Variants in KCNJ15 observed in about 807,000 individuals in gnomAD.
KCNJ15 encodes ATP-sensitive inward rectifier potassium channel 15.
Under a neutral mutation model 23.0 loss-of-function variants are expected in KCNJ15, and 14 were observed. That is an observed-to-expected ratio of 0.61 (90% CI 0.40 to 0.95). The LOEUF is 0.95. Ranked by LOEUF, KCNJ15 falls within the 40% of genes least tolerant of loss-of-function variation. KCNJ15 has a pLI of 0.00. For synonymous variants in KCNJ15, 185 were observed against 183.2 expected (o/e 1.01, Z -0.08); for missense variants, 388 against 461.8 (o/e 0.84, Z 1.46).
At chr21:38,262,823 A>G (rs1601167629) in intron 1 of KCNJ15, among the ~76,000 whole-genome samples, 1 of 151,962 alleles carries the variant, frequency 6.6e-6, no homozygotes, top group East Asian at 1.9e-4. Context: ...AATTACAGGC[A>G]CCTGCCACCA....
rs2146365012 is a variant in KCNJ15, at chr21:38,306,782, C to CA, written c.*6398dup. ...TAAGGTGTCATGGAATTGTAAGTTA[C>CA]AAAAATAAGGCTTTTGTAAACAGAA... On this transcript the variant is annotated 3_prime_UTR_variant, in exon 3 of 3. Coordinates refer to ENST00000398938, the MANE Select transcript of KCNJ15 (RefSeq NM_170736.3). The CA allele has an allele frequency of 6.6e-6, 1 of 152,244 alleles. No homozygotes were observed. The highest frequency in any genetic ancestry group is 1.9e-4 in the East Asian group (1 of 5,182). 9.4% of individuals were successfully genotyped at this position (152,244 alleles called of 1,614,324 possible).
intron 1 of KCNJ15, among the ~76,000 whole-genome samples, chr21:38,249,612 C>T (rs1371320366): frequency 6.6e-6 from 1 of 152,166 alleles, no homozygotes; most frequent in Non-Finnish European, 1.5e-5. Context: ...CATGTCTAGT[C>T]TGTATAGGTG....
At chr21:38,258,970 G>A (rs1019508193) in intron 1 of KCNJ15, among the ~76,000 whole-genome samples, 1 of 152,066 alleles carries the variant, frequency 6.6e-6, no homozygotes, top group Non-Finnish European at 1.5e-5. Context: ...CTTCTGCATC[G>A]AGGAAATCTC....
At chr21:38,258,849 T>C (rs1042569002) in intron 1 of KCNJ15, among the ~76,000 whole-genome samples, 2 of 152,134 alleles carry the variant, frequency 1.3e-5, no homozygotes, top group African/African-American at 4.8e-5. Context: ...AGCCAGTGTT[T>C]TGGGGGGAAA....
intron 1 of KCNJ15, among the ~76,000 whole-genome samples, chr21:38,287,944 G>A (rs1190028951): frequency 6.7e-6 from 1 of 150,004 alleles, no homozygotes; most frequent in Non-Finnish European, 1.5e-5. Context: ...TCAGAGAAAT[G>A]TGGTCAAAAT....
At chr21:38,266,777 T>C (rs1405339836) in intron 1 of KCNJ15, among the ~76,000 whole-genome samples, 2 of 152,184 alleles carry the variant, frequency 1.3e-5, no homozygotes, top group Non-Finnish European at 2.9e-5. Flanking sequence ...CTAACCTCTT[T>C]AGAGATGAGG....
At chr21:38,240,128 C>G (rs917419938) in intron 1 of KCNJ15, among the ~76,000 whole-genome samples, 3 of 152,024 alleles carry the variant, frequency 2.0e-5, no homozygotes, top group African/African-American at 7.3e-5. Context: ...CTCCAAGTAC[C>G]AGCACATTTT....
intron 1 of KCNJ15, among the ~76,000 whole-genome samples, chr21:38,263,605 T>A (rs1160386883): frequency 6.6e-6 from 1 of 152,178 alleles, no homozygotes; most frequent in African/African-American, 2.4e-5. Context: ...TGACCACAAC[T>A]ATGATTCCCT....
At position 38,305,080 on chromosome 21, in the gene KCNJ15, C is replaced by CAAAAAAAAAAAAAAAAAA. The variant is rs60094452; in HGVS notation, c.*4708_*4709insAAAAAAAAAAAAAAAAAA. 2 of 97,792 alleles carry CAAAAAAAAAAAAAAAAAA rather than the reference C, an allele frequency of 2.0e-5. No homozygotes were observed. Among genetic ancestry groups the CAAAAAAAAAAAAAAAAAA allele is most frequent in the Non-Finnish European group, 4.1e-5 (2 of 49,126 alleles). 6.1% of individuals were successfully genotyped at this position (97,792 alleles called of 1,614,324 possible). On this transcript the variant is annotated 3_prime_UTR_variant, in exon 3 of 3. Transcript: ENST00000398938. ...GGGCAACAAAAGTAAAACTCCGTCT[C>CAAAAAAAAAAAAAAAAAA]AAAAAAAAAAAAAAAAAGAAAAAGA... is the stretch of plus-strand genomic sequence containing the variant.
chr21:38,280,173 A>G (rs1011196738), intron 1 of KCNJ15, among the ~76,000 whole-genome samples: 2 of 152,182 alleles, frequency 1.3e-5, no homozygotes, highest in African/African-American at 4.8e-5. Flanking sequence ...GCACCTGTCT[A>G]ACTTAACCAG....
At chr21:38,241,013 G>T in intron 1 of KCNJ15, among the ~76,000 whole-genome samples, 1 of 152,154 alleles carries the variant, frequency 6.6e-6, no homozygotes, top group East Asian at 1.9e-4. Context: ...TCAAATTATT[G>T]ACAGATTCTC....
At chr21:38,284,185 C>T (rs1418881281) in intron 1 of KCNJ15, among the ~76,000 whole-genome samples, 2 of 152,186 alleles carry the variant, frequency 1.3e-5, no homozygotes, top group South Asian at 2.1e-4. Flanking sequence ...CCTTCTGCAT[C>T]GGGATTCTGC....
At position 38,299,888 on chromosome 21, in the gene KCNJ15, G is replaced by A. The variant is rs1244359054; in HGVS notation, c.627G>A (p.Gln209=). 6.8e-6 allele frequency: 11 copies of A among 1,613,938 alleles called. No homozygotes were observed. Among genetic ancestry groups the A allele is most frequent in the Non-Finnish European group, 9.3e-6 (11 of 1,180,028 alleles). Residue 209 remains glutamine, a synonymous_variant, in exon 3 of 3, where the codon CAG becomes CAA. Transcript: ENST00000398938. The surrounding 1 kb of genome is among the most constrained non-coding windows in gnomAD (Gnocchi z 4.5). ...ATATGAGGAAGAGCCTCTTGATTCA[G>A]TGCCAGCTCTCTGGCAAGCTCCTGC... ...VANMRKSLLI[Q]CQLSGKLLQT...
chr21:38,284,656 A>C (rs1243857902), intron 1 of KCNJ15, among the ~76,000 whole-genome samples: 5 of 152,214 alleles, frequency 3.3e-5, no homozygotes, highest in Admixed American at 6.5e-5. Context: ...ATAAAACCCC[A>C]AGATACTCCT....
intron 1 of KCNJ15, among the ~76,000 whole-genome samples, chr21:38,230,643 G>T (rs191082561): frequency 1.9e-4 from 29 of 151,858 alleles, no homozygotes; most frequent in African/African-American, 5.8e-4. Context: ...TTCCTCTCAA[G>T]AATTTCATAG....
At chr21:38,246,703 A>C (rs1979391977) in intron 1 of KCNJ15, among the ~76,000 whole-genome samples, 1 of 152,228 alleles carries the variant, frequency 6.6e-6, no homozygotes, top group Non-Finnish European at 1.5e-5. Context: ...ATTATGTTTT[A>C]CATTAGTCTG....
intron 1 of KCNJ15, among the ~76,000 whole-genome samples, chr21:38,269,888 G>A (rs1269656023): frequency 6.6e-6 from 1 of 152,218 alleles, no homozygotes; most frequent in South Asian, 2.1e-4. Context: ...GCACCCTGGG[G>A]TTCTCTGTGG....
intron 1 of KCNJ15, among the ~76,000 whole-genome samples, chr21:38,265,283 A>T (rs1301944168): frequency 6.6e-6 from 1 of 152,258 alleles, no homozygotes; most frequent in Admixed American, 6.5e-5. Context: ...TGTGATTACA[A>T]TCAAGCGAAT....
intron 1 of KCNJ15, among the ~76,000 whole-genome samples, chr21:38,260,031 A>C (rs1056137612): frequency 1.3e-5 from 2 of 152,204 alleles, no homozygotes; most frequent in African/African-American, 4.8e-5. Flanking sequence ...CTAAGTTATA[A>C]TTTATAAATA....
Sources: allele counts gnomAD v4.1 joint callset (sites outside exome capture counted in the v4.1 genomes callset), GRCh38; gene constraint gnomAD v4.1.1; non-coding constraint Gnocchi (gnomAD v3.1); transcripts MANE v1.5; gene names NCBI Gene and HGNC (gene_info 2026-07-23, HGNC 2026-07-21).